CPVL: variants seen among roughly 807,000 people sequenced by gnomAD.
CPVL encodes the protein probable serine carboxypeptidase CPVL.
In CPVL, 51 loss-of-function variants were observed where a neutral mutation model predicts 63.7. That is an observed-to-expected ratio of 0.80 (90% CI 0.64 to 1.01). CPVL has a LOEUF of 1.01. Ranked by LOEUF, CPVL falls within the 50% of genes least tolerant of loss-of-function variation. CPVL has a pLI of 0.00. For missense variants in CPVL, 530 were observed against 573.1 expected, an observed-to-expected ratio of 0.92 and a Z score of 0.77; for synonymous variants, 195 against 206.0, an observed-to-expected ratio of 0.95 and a Z score of 0.46.
intron 12 of CPVL, among the ~76,000 whole-genome samples, chr7:29,021,365 C>T (rs537126455): frequency 6.6e-6 from 1 of 152,210 alleles, no homozygotes; most frequent in African/African-American, 2.4e-5. Flanking sequence ...AAGATGGCTG[C>T]CTGACGCACC....
chr7:29,110,315 C>A (rs1257318782), intron 3 of CPVL, among the ~76,000 whole-genome samples: 3 of 152,202 alleles, frequency 2.0e-5, no homozygotes, highest in Non-Finnish European at 4.4e-5. Flanking sequence ...CCTCCACAGG[C>A]TGCACAGGTC....
At chr7:29,129,555 G>A (rs573963936) in intron 1 of CPVL, among the ~76,000 whole-genome samples, 2 of 150,476 alleles carry the variant, frequency 1.3e-5, no homozygotes, top group African/African-American at 4.9e-5. Flanking sequence ...TGCAACCTCT[G>A]CCTCCCAGAT....
At position 29,112,653 on chromosome 7, in the gene CPVL, A is replaced by T. The variant is rs773963510; in HGVS notation, c.288+51T>A. 5 of 1,247,484 alleles carry T rather than the reference A, an allele frequency of 4.0e-6. No homozygotes were observed. In the East Asian group the frequency reaches 1.2e-4, roughly 29 times the overall value. The allele number at this position is 1,247,484 out of a possible 1,614,324, so 77.3% of individuals were successfully genotyped here. A position where few individuals can be genotyped will look rare whatever the true frequency, so the allele number is the denominator to read the frequency against. ...TCGGTAGGCTAACATTTCTACCCTCAAACGGCAAGCCAGGTCTTGAACACT... is the reference window on the plus strand; with the variant it reads ...TCGGTAGGCTAACATTTCTACCCTCTAACGGCAAGCCAGGTCTTGAACACT... On this transcript the variant is annotated intron_variant, in intron 3 of 12. Coordinates refer to ENST00000265394, the MANE Select transcript of CPVL (RefSeq NM_031311.5).
At position 29,182,525 on chromosome 7, in the gene CPVL, C is replaced by G. The variant is rs140096724; in HGVS notation, c.-133-1113G>C. Among the ~76,000 whole-genome samples, 267 of 152,334 alleles carry G rather than the reference C, an allele frequency of 1.8e-3. 1 individual carries two copies. The highest frequency in any genetic ancestry group is 6.2e-3 in the African/African-American group (256 of 41,570). On this transcript the variant is annotated intron_variant, in intron 4 of 16. Transcript: ENST00000409850. ...TATTTAACTACTTGACAAGTTTAGT[C>G]TGTATTACCCACGTTAAGCCTCCTA...
At chr7:29,143,792 ACACAGT>A (rs1262455824) in intron 1 of CPVL, among the ~76,000 whole-genome samples, 2 of 152,170 alleles carry the variant, frequency 1.3e-5, no homozygotes, top group African/African-American at 4.8e-5. Flanking sequence ...AGATCTAAGG[ACACAGT>A]CCTTCCCCCT....
chr7:29,156,852 C>G (rs1794446933), intron 5 of CPVL, among the ~76,000 whole-genome samples: 3 of 152,132 alleles, frequency 2.0e-5, no homozygotes, highest in Admixed American at 1.3e-4. Context: ...GGAGATCTAT[C>G]TAGCAAAATC....
intron 12 of CPVL, among the ~76,000 whole-genome samples, chr7:29,005,177 C>T (rs75908718): frequency 0.069 from 10,466 of 151,954 alleles, 391 homozygotes; most frequent in Middle Eastern, 0.11. Context: ...TGAGATTACC[C>T]ATCGCGCCTG....
At chr7:29,014,197 C>T (rs906981854) in intron 12 of CPVL, among the ~76,000 whole-genome samples, 3 of 152,166 alleles carry the variant, frequency 2.0e-5, no homozygotes, top group African/African-American at 7.2e-5. Context: ...GACAGAGGAA[C>T]TTTGCCCCTG....
At chr7:29,073,469 CTGACA>C (rs1240751457) in intron 7 of CPVL, among the ~76,000 whole-genome samples, 1 of 152,130 alleles carries the variant, frequency 6.6e-6, no homozygotes, top group Non-Finnish European at 1.5e-5. Flanking sequence ...GGCATAAGGG[CTGACA>C]TGATCTGCTC....
chr7:29,000,896 T>C (rs924199420), intron 12 of CPVL: 1 of 152,270 alleles, frequency 6.6e-6, no homozygotes, highest in Non-Finnish European at 1.5e-5. Flanking sequence ...TCTGTCTCTA[T>C]AGACTTGCCT....
At chr7:29,182,290 C>T (rs1798157541) in intron 4 of CPVL, among the ~76,000 whole-genome samples, 2 of 152,172 alleles carry the variant, frequency 1.3e-5, no homozygotes, top group African/African-American at 4.8e-5. Flanking sequence ...TCTTTCTATT[C>T]AATGCCTTAA....
upstream of CPVL, chr7:29,146,601 G>A (rs187292682): frequency 1.2e-4 from 189 of 1,550,408 alleles, 1 homozygote; most frequent in East Asian, 4.4e-3. Flanking sequence ...AGACCCACAG[G>A]GCAAAAAGTG....
chr7:29,140,536 G>A (rs559710199), intron 1 of CPVL, among the ~76,000 whole-genome samples: 5 of 152,278 alleles, frequency 3.3e-5, no homozygotes, highest in South Asian at 4.1e-4. Context: ...GCAGTTCTGT[G>A]CCCCACTACA....
At chr7:29,096,060 A>G (rs1286004201) in intron 4 of CPVL, 43 bp downstream of exon 4, 10 of 1,457,140 alleles carry the variant, frequency 6.9e-6, no homozygotes, top group Non-Finnish European at 9.6e-6. Context: ...TATGAGGCTC[A>G]GATGAAAGAT....
intron 1 of CPVL, chr7:29,194,974 C>G: frequency 6.3e-7 from 1 of 1,586,680 alleles, no homozygotes; most frequent in Non-Finnish European, 8.6e-7. Context: ...GCCTGTCCGG[C>G]TCGTCGGTGT....
intron 5 of CPVL, among the ~76,000 whole-genome samples, chr7:29,169,310 A>T (rs1796306155): frequency 6.6e-6 from 1 of 152,136 alleles, no homozygotes; most frequent in African/African-American, 2.4e-5. Context: ...AAAATATATC[A>T]TCCTATTGAG....
chr7:29,060,299 CA>C (rs1791142845), intron 11 of CPVL, among the ~76,000 whole-genome samples: 1 of 152,100 alleles, frequency 6.6e-6, no homozygotes, highest in Non-Finnish European at 1.5e-5. Flanking sequence ...ACAAGGAAGC[CA>C]AAGCGCAGAG....
At chr7:29,147,751 G>T (rs936614870), upstream of CPVL, among the ~76,000 whole-genome samples, 2 of 152,108 alleles carry the variant, frequency 1.3e-5, no homozygotes, top group African/African-American at 2.4e-5. Context: ...ATATATGCAG[G>T]ACCCAGGGCA....
chr7:29,061,156 C>G (rs879578329), intron 11 of CPVL, among the ~76,000 whole-genome samples: 1 of 152,128 alleles, frequency 6.6e-6, no homozygotes, highest in Non-Finnish European at 1.5e-5. Flanking sequence ...ACCTGTAATC[C>G]CAGCACTTTG....
Sources: allele counts gnomAD v4.1 joint callset (sites outside exome capture counted in the v4.1 genomes callset), GRCh38; gene constraint gnomAD v4.1.1; transcripts MANE v1.5; gene names NCBI Gene and HGNC (gene_info 2026-07-23, HGNC 2026-07-21).